Variants in TRRAP observed in about 807,000 individuals in gnomAD.
The protein encoded by TRRAP is transformation/transcription domain-associated protein.
TRRAP carries 41 observed loss-of-function variants against 438.8 expected under a neutral mutation model. The observed-to-expected ratio is 0.09, with a 90% confidence interval of 0.07 to 0.12. The LOEUF is 0.12. Among genes scored for constraint, TRRAP ranks in the 10% least tolerant of loss-of-function variants. TRRAP has a pLI of 1.00. For missense variants in TRRAP, 3,122 were observed against 5,055.1 expected (o/e 0.62, Z 11.60); for synonymous variants, 1,994 against 1,962.9 (o/e 1.02, Z -0.42).
intron 33 of TRRAP, among the ~76,000 whole-genome samples, chr7:98,946,457 C>T (rs562351370): frequency 5.3e-5 from 8 of 150,960 alleles, no homozygotes; most frequent in Admixed American, 2.0e-4. Flanking sequence ...TCACAACACG[C>T]GTGCACACAG....
rs147186325 is a variant in TRRAP, at chr7:99,004,974, G to T, written c.10536-157G>T. Among the ~76,000 whole-genome samples, 3,032 of 152,212 alleles carry T rather than the reference G, an allele frequency of 0.02. 51 individuals carry two copies. Among genetic ancestry groups the T allele is most frequent in the Non-Finnish European group, 0.029 (1,961 of 68,020 alleles). ...GAAAATATTGTGACTCATTTACACCGCATCAGGGTGAGGCAGGGTACAAAT... is the reference window on the plus strand; with the variant it reads ...GAAAATATTGTGACTCATTTACACCTCATCAGGGTGAGGCAGGGTACAAAT... On this transcript the variant is annotated intron_variant, in intron 68 of 72. Coordinates refer to ENST00000456197, the MANE Select transcript of TRRAP (RefSeq NM_001375524.1).
At chr7:98,898,465 T>C (rs1326950226) in intron 8 of TRRAP, among the ~76,000 whole-genome samples, 1 of 152,268 alleles carries the variant, frequency 6.6e-6, no homozygotes, top group African/African-American at 2.4e-5. Flanking sequence ...GATTGAATTA[T>C]TATCCATGTT....
chr7:98,961,520 G>T, intron 46 of TRRAP, 46 bp downstream of exon 46: 2 of 1,602,344 alleles, frequency 1.2e-6, no homozygotes, highest in South Asian at 1.1e-5. Context: ...AGTGGACGGT[G>T]GGCGCGGAGC....
rs782515379 is a variant in TRRAP at position 98,921,745 on chromosome 7, A to AT, written c.2623-4dup. 6.2e-7 allele frequency: 1 copy of AT among 1,613,888 alleles called. No individual in the cohort carries two copies. Among genetic ancestry groups the AT allele is most frequent in the Admixed American group, 1.7e-5 (1 of 60,016 alleles). ...AGAGGACCTTAATGAAAGCACGCTG[A>AT]TTTTCAGGCTCTGTGGCGCACCTTA... is the stretch of plus-strand genomic sequence containing the variant. On this transcript the variant is annotated splice_polypyrimidine_tract_variant and splice_region_variant and intron_variant, in intron 20 of 72. Transcript: ENST00000456197.
chr7:98,919,997 A>G (rs1268226656), intron 20 of TRRAP, among the ~76,000 whole-genome samples: 1 of 152,222 alleles, frequency 6.6e-6, no homozygotes, highest in Admixed American at 6.5e-5. Flanking sequence ...GGTGGAGGGT[A>G]GATGAGGTGA....
At chr7:98,988,179 G>T (rs771429041) in intron 62 of TRRAP, among the ~76,000 whole-genome samples, 1 of 152,156 alleles carries the variant, frequency 6.6e-6, no homozygotes. Context: ...CATTGCTGGT[G>T]TAATAGTGAA....
intron 7 of TRRAP, 87 bp downstream of exon 7, chr7:98,895,907 T>TA: frequency 9.3e-7 from 1 of 1,071,996 alleles, no homozygotes; most frequent in Non-Finnish European, 1.3e-6. Flanking sequence ...GTTGCAGAAA[T>TA]AGTGTGTGGG....
In TRRAP at chr7:98,897,860, T is replaced by C. The variant is rs1554406034; in HGVS notation, c.627T>C (p.Thr209=). The C allele has an allele frequency of 6.2e-7, 1 of 1,614,050 alleles. No individual in the cohort carries two copies. The highest frequency in any genetic ancestry group is 1.1e-5 in the South Asian group (1 of 91,072). The change falls in exon 8 of 73, where the codon ACT becomes ACC. Residue 209 remains threonine, a synonymous_variant. Transcript: ENST00000456197. ...ACCCGGAGCGTGAGGACAGTGAGAC[T>C]CGAACAGTAAGTGTTTCGCTGAGTT... ...KVNPEREDSE[T]RTHSIIPRGS...
chr7:98,982,074 C>A, intron 59 of TRRAP, 114 bp downstream of exon 59: 1 of 1,099,214 alleles, frequency 9.1e-7, no homozygotes, highest in Non-Finnish European at 1.2e-6. Flanking sequence ...ACTCCTTCTG[C>A]TTGTCTTGTC....
intron 67 of TRRAP, chr7:98,999,440 T>TG (rs1193101662): frequency 1.1e-6 from 1 of 928,494 alleles, no homozygotes; most frequent in South Asian, 1.3e-5. Context: ...CTAGCTCTGA[T>TG]GGGAGGGGCT....
intron 10 of TRRAP, 96 bp downstream of exon 10, chr7:98,899,863 TAAA>T: frequency 7.1e-7 from 1 of 1,400,276 alleles, no homozygotes; most frequent in Non-Finnish European, 1.0e-6. Flanking sequence ...TTATGAGTGA[TAAA>T]ATTTTGGTAA....
At chr7:98,895,692 C>T in intron 6 of TRRAP, 72 bp from the exon 7 acceptor site, 3 of 1,330,046 alleles carry the variant, frequency 2.3e-6, no homozygotes, top group South Asian at 2.9e-5. Context: ...ACAATTACAA[C>T]TTTTCTTATT....
Position 98,970,167 on chromosome 7 carries a change from C to G in TRRAP, c.7568C>G (p.Ala2523Gly). ...STPIGTSCQG[A>G]MLPSITNVIN... ...CCCATTGGCACCAGCTGCCAAGGAG[C>G]CATGCTCCCGTCCATCACCAACGTC... The change falls in exon 52 of 73, where the codon GCC (alanine) becomes GGC (glycine). Residue 2523 changes from alanine to glycine, a missense_variant. Physicochemically the swap from Ala to Gly is moderately conservative, Grantham distance 60. Coordinates refer to ENST00000456197, the MANE Select transcript of TRRAP (RefSeq NM_001375524.1). 6.2e-7 allele frequency: 1 copy of G among 1,613,918 alleles called. No homozygotes were observed. Among genetic ancestry groups the G allele is most frequent in the Non-Finnish European group, 8.5e-7 (1 of 1,180,018 alleles).
rs145161704 is a variant in TRRAP at position 98,887,845 on chromosome 7, A to G, written c.151-2490A>G. Reference sequence around the variant, plus strand: ...TAGACCCCTCTTCTGAAGTTACATTATGTTATAGACAACTCCAGATCTTTC... The same window carrying G: ...TAGACCCCTCTTCTGAAGTTACATTGTGTTATAGACAACTCCAGATCTTTC... On this transcript the variant is annotated intron_variant, in intron 3 of 72. Coordinates refer to ENST00000456197, the MANE Select transcript of TRRAP (RefSeq NM_001375524.1). 1.5e-3 allele frequency among the ~76,000 whole-genome samples: 223 copies of G among 150,926 alleles called. No homozygotes were observed. In the East Asian group the frequency reaches 0.017, roughly 12 times the overall value.
chr7:98,950,564 G>A (rs930002479), intron 38 of TRRAP, among the ~76,000 whole-genome samples: 2 of 152,220 alleles, frequency 1.3e-5, no homozygotes, highest in Admixed American at 6.5e-5. Context: ...AGGTGAGAAA[G>A]TGCCGTTGCT....
At chr7:98,981,645 C>A in intron 58 of TRRAP, 124 bp from the exon 59 acceptor site, 1 of 912,304 alleles carries the variant, frequency 1.1e-6, no homozygotes, top group Non-Finnish European at 1.6e-6. Flanking sequence ...ATTTCTATAG[C>A]CTAATTTCTG....
chr7:98,995,651 CCCCCCA>C (rs1044723842), intron 67 of TRRAP, among the ~76,000 whole-genome samples: 4 of 146,946 alleles, frequency 2.7e-5, no homozygotes, highest in Admixed American at 6.7e-5. Context: ...ACAGTATCCC[CCCCCCA>C]CCATCTACAC....
intron 48 of TRRAP, 151 bp downstream of exon 48, chr7:98,964,926 T>A: frequency 9.4e-7 from 1 of 1,063,154 alleles, no homozygotes; most frequent in Non-Finnish European, 1.3e-6. Flanking sequence ...CTCTTCAATG[T>A]AGGGGTTTAA....
intron 47 of TRRAP, among the ~76,000 whole-genome samples, chr7:98,964,245 A>G (rs555310919): frequency 6.6e-6 from 1 of 152,364 alleles, no homozygotes; most frequent in South Asian, 2.1e-4. Context: ...AATTGAATTC[A>G]AAGATATTTG....
Sources: allele counts gnomAD v4.1 joint callset (sites outside exome capture counted in the v4.1 genomes callset), GRCh38; gene constraint gnomAD v4.1.1; transcripts MANE v1.5; gene names NCBI Gene and HGNC (gene_info 2026-07-23, HGNC 2026-07-21).